The following ANXA8 variants were observed in gnomAD, a reference collection of about 807,000 sequenced individuals.
The protein encoded by ANXA8 is annexin A8.
Under a neutral mutation model 26.8 loss-of-function variants are expected in ANXA8, and 9 were observed. The observed-to-expected ratio is 0.34, with a 90% CI of 0.20 to 0.59. The LOEUF (loss-of-function observed/expected upper bound fraction) is 0.59. Ranked by LOEUF, ANXA8 falls within the 20% of genes least tolerant of loss-of-function variation. The pLI is 0.84. For missense variants in ANXA8, 83 were observed against 238.5 expected, an observed-to-expected ratio of 0.35 and a Z score of 4.29; for synonymous variants, 39 against 94.8, an observed-to-expected ratio of 0.41 and a Z score of 3.42.
the ANXA8 span, chr10:47,502,366 C>T: frequency 6.2e-7 from 1 of 1,608,748 alleles, no homozygotes; most frequent in Non-Finnish European, 8.5e-7. Flanking sequence ...CAGCTGCTGG[C>T]CCAGGGACAG....
At chr10:47,492,224 G>A in the ANXA8 span, among the ~76,000 whole-genome samples, 11 of 150,438 alleles carry the variant, frequency 7.3e-5, no homozygotes, top group African/African-American at 2.7e-4. Context: ...AGCAGTTTGC[G>A]GCCTCCATGG....
At chr10:47,580,867 G>A in the ANXA8 span, among the ~76,000 whole-genome samples, 1 of 149,834 alleles carries the variant, frequency 6.7e-6, no homozygotes, top group Non-Finnish European at 1.5e-5. Context: ...CTGTGGTCAG[G>A]AGCTCAAGAC....
the ANXA8 span, among the ~76,000 whole-genome samples, chr10:47,656,171 C>T: frequency 1.3e-5 from 2 of 151,662 alleles, no homozygotes; most frequent in Admixed American, 1.3e-4. Context: ...CCGAGGTGGG[C>T]AGCTGGCTTG....
At chr10:47,737,599 T>C in the ANXA8 span, among the ~76,000 whole-genome samples, 1 of 151,810 alleles carries the variant, frequency 6.6e-6, no homozygotes, top group Non-Finnish European at 1.5e-5. Flanking sequence ...ACCCCCATAT[T>C]TTTCTTCATT....
the ANXA8 span, among the ~76,000 whole-genome samples, chr10:47,638,994 C>G: frequency 6.7e-6 from 1 of 150,018 alleles, no homozygotes; most frequent in African/African-American, 2.5e-5. Flanking sequence ...AATAATGTGA[C>G]TAATATATTA....
the ANXA8 span, among the ~76,000 whole-genome samples, chr10:47,660,870 A>G: frequency 6.6e-6 from 1 of 151,008 alleles, no homozygotes; most frequent in African/African-American, 2.4e-5. Flanking sequence ...TATGATTCCC[A>G]AGTGCTACAG....
At chr10:47,683,464 G>A in the ANXA8 span, among the ~76,000 whole-genome samples, 4 of 152,016 alleles carry the variant, frequency 2.6e-5, no homozygotes, top group East Asian at 1.9e-4. Flanking sequence ...TCCTGACTTC[G>A]TGATCTGCCC....
chr10:47,937,001 C>T, the ANXA8 span, among the ~76,000 whole-genome samples: 3 of 149,944 alleles, frequency 2.0e-5, no homozygotes, highest in African/African-American at 7.3e-5. Flanking sequence ...CTCTCACTCT[C>T]TTCAGCTTGC....
the ANXA8 span, among the ~76,000 whole-genome samples, chr10:47,579,882 A>G: frequency 2.1e-5 from 3 of 145,200 alleles, no homozygotes; most frequent in Non-Finnish European, 4.5e-5. Flanking sequence ...ATAAACACAT[A>G]TGAACCAAAA....
At chr10:47,650,509 A>G in the ANXA8 span, among the ~76,000 whole-genome samples, 5 of 151,848 alleles carry the variant, frequency 3.3e-5, no homozygotes, top group African/African-American at 7.3e-5. Context: ...AAATAATCCA[A>G]TTGAAACAAT....
the ANXA8 span, among the ~76,000 whole-genome samples, chr10:47,952,104 G>A: frequency 1.3e-4 from 20 of 150,774 alleles, no homozygotes; most frequent in Non-Finnish European, 2.7e-4. Flanking sequence ...TTAAAACACT[G>A]GCGTAGAAGG....
chr10:47,979,082 A>G, the ANXA8 span, among the ~76,000 whole-genome samples: 1 of 151,370 alleles, frequency 6.6e-6, no homozygotes, highest in Non-Finnish European at 1.5e-5. Context: ...GAGACAAAGA[A>G]AAACATTTTA....
chr10:47,486,016 G>A (rs1285403076), upstream of ANXA8, among the ~76,000 whole-genome samples: 1 of 151,742 alleles, frequency 6.6e-6, no homozygotes, highest in Non-Finnish European at 1.5e-5. Flanking sequence ...GCTGAGGCAG[G>A]AGAATTGTTT....
chr10:47,490,358 G>C, the ANXA8 span: 24 of 147,694 alleles, frequency 1.6e-4, no homozygotes, highest in South Asian at 2.1e-4. Context: ...ACCAGGTCAC[G>C]GGGGCGGCAA....
chr10:47,561,226 C>A, the ANXA8 span, among the ~76,000 whole-genome samples: 4,089 of 151,642 alleles, frequency 0.027, 222 homozygotes, highest in African/African-American at 0.093. Context: ...ATCATTTTTT[C>A]TGGTGAGAAC....
chr10:47,681,523 CTTTTTTTTTTTTT>C, the ANXA8 span, among the ~76,000 whole-genome samples: 2 of 81,284 alleles, frequency 2.5e-5, no homozygotes, highest in African/African-American at 9.3e-5. Context: ...TTTATTTTTA[CTTTTTTTTTTTTT>C]TTTTTTTTTT....
chr10:47,497,735 C>T, the ANXA8 span, among the ~76,000 whole-genome samples: 2 of 149,262 alleles, frequency 1.3e-5, no homozygotes, highest in South Asian at 2.1e-4. Flanking sequence ...GTCAGGAGTT[C>T]AAGACCAGCC....
chr10:47,521,309 A>G, the ANXA8 span, among the ~76,000 whole-genome samples: 1 of 140,054 alleles, frequency 7.1e-6, no homozygotes, highest in Non-Finnish European at 1.5e-5. Context: ...AGCAGAGTAT[A>G]AGTTTATACA....
At chr10:47,558,529 ATGTG>A in the ANXA8 span, among the ~76,000 whole-genome samples, 4,005 of 141,516 alleles carry the variant, frequency 0.028, 77 homozygotes, top group African/African-American at 0.046. Context: ...GGGTTTTAAG[ATGTG>A]TGTGTGTGTG....
Sources: gnomAD v4.1 joint callset for allele counts (sites outside exome capture counted in the v4.1 genomes callset) on GRCh38, gnomAD v4.1.1 for gene constraint, MANE v1.5 for transcripts, NCBI Gene and HGNC (gene_info 2026-07-23, HGNC 2026-07-21) for gene names.